The following STXBP5L variants were observed in gnomAD, a reference collection of about 807,000 sequenced individuals.
The protein encoded by STXBP5L is syntaxin-binding protein 5-like.
A neutral mutation model predicts 144.5 loss-of-function variants in STXBP5L; 65 were observed. The observed-to-expected ratio is 0.45, with a 90% CI of 0.37 to 0.55. STXBP5L has a LOEUF of 0.55. Among genes scored for constraint, STXBP5L ranks in the 20% least tolerant of loss-of-function variants. The pLI, the probability that STXBP5L is intolerant of heterozygous loss-of-function variation, is 0.00. For synonymous variants in STXBP5L, 505 were observed against 469.6 expected, an observed-to-expected ratio of 1.08 and a Z score of -0.97; for missense variants, 1,298 against 1,405.5, an observed-to-expected ratio of 0.92 and a Z score of 1.22.
intron 7 of STXBP5L, among the ~76,000 whole-genome samples, chr3:121,138,470 A>G (rs1024777791): frequency 6.6e-6 from 1 of 152,174 alleles, no homozygotes; most frequent in Non-Finnish European, 1.5e-5. Flanking sequence ...ACCAAAAAGA[A>G]CAAAGCCGAA....
intron 2 of STXBP5L, among the ~76,000 whole-genome samples, chr3:120,935,847 A>G (rs1710239796): frequency 2.0e-5 from 3 of 151,676 alleles, no homozygotes; most frequent in African/African-American, 2.4e-5. Context: ...TCCTATGCAT[A>G]TATTTTTTGG....
chr3:120,960,132 A>G (rs557535724), intron 3 of STXBP5L, among the ~76,000 whole-genome samples: 2 of 152,400 alleles, frequency 1.3e-5, no homozygotes, highest in South Asian at 4.1e-4. Flanking sequence ...GAAGACATTT[A>G]TGCAGCCCAA....
chr3:121,412,727 C>CAAAAAAAA (rs35247157), intron 23 of STXBP5L, among the ~76,000 whole-genome samples: 76 of 69,582 alleles, frequency 1.1e-3, no homozygotes, highest in East Asian at 1.4e-3. Flanking sequence ...TTTCTCCCTC[C>CAAAAAAAA]AAAAAAAAAA....
At chr3:120,930,413 T>A (rs556461785) in intron 2 of STXBP5L, among the ~76,000 whole-genome samples, 1 of 152,044 alleles carries the variant, frequency 6.6e-6, no homozygotes, top group African/African-American at 2.4e-5. Context: ...CTGTAGTAGA[T>A]TCCTCAGGAA....
At chr3:120,930,685 A>G (rs1709883578) in intron 2 of STXBP5L, among the ~76,000 whole-genome samples, 1 of 152,152 alleles carries the variant, frequency 6.6e-6, no homozygotes, top group African/African-American at 2.4e-5. Context: ...CTCCAAAATG[A>G]TGTTTCCCCC....
intron 10 of STXBP5L, among the ~76,000 whole-genome samples, chr3:121,209,323 T>C (rs2048463395): frequency 6.6e-6 from 1 of 152,154 alleles, no homozygotes; most frequent in Admixed American, 6.6e-5. Flanking sequence ...TATTTCTGGT[T>C]CTAGATCCTT....
At chr3:120,928,944 C>T in intron 2 of STXBP5L, among the ~76,000 whole-genome samples, 1 of 152,034 alleles carries the variant, frequency 6.6e-6, no homozygotes, top group East Asian at 1.9e-4. Flanking sequence ...TGGCAAAACC[C>T]ACCATCGTTT....
chr3:121,208,730 T>G (rs1314841535), intron 10 of STXBP5L, among the ~76,000 whole-genome samples: 1 of 152,178 alleles, frequency 6.6e-6, no homozygotes, highest in Non-Finnish European at 1.5e-5. Context: ...TAACTGTTCC[T>G]AGCAGCTTGT....
chr3:121,100,942 TC>T (rs1280382523), intron 5 of STXBP5L, among the ~76,000 whole-genome samples: 1 of 151,724 alleles, frequency 6.6e-6, no homozygotes, highest in Non-Finnish European at 1.5e-5. Context: ...ACATAAAATA[TC>T]CTCCAAGACT....
At chr3:121,161,762 T>C (rs922485806) in intron 9 of STXBP5L, among the ~76,000 whole-genome samples, 1 of 152,104 alleles carries the variant, frequency 6.6e-6, no homozygotes, top group African/African-American at 2.4e-5. Flanking sequence ...CATACACACA[T>C]ACATATACAA....
intron 19 of STXBP5L, among the ~76,000 whole-genome samples, chr3:121,304,316 C>A (rs956109263): frequency 6.6e-5 from 10 of 152,036 alleles, no homozygotes; most frequent in African/African-American, 2.2e-4. Flanking sequence ...TTGTAACTGA[C>A]AGAACAAATA....
chr3:121,386,080 A>C (rs1236004144), intron 22 of STXBP5L, among the ~76,000 whole-genome samples: 1 of 152,156 alleles, frequency 6.6e-6, no homozygotes, highest in Non-Finnish European at 1.5e-5. Flanking sequence ...CACACATTTT[A>C]TCTCTTCTAA....
At chr3:121,301,886 G>T (rs912070469) in intron 19 of STXBP5L, among the ~76,000 whole-genome samples, 1 of 152,164 alleles carries the variant, frequency 6.6e-6, no homozygotes. Context: ...TTGCATCCCA[G>T]GGATGAAGCC....
intron 2 of STXBP5L, among the ~76,000 whole-genome samples, chr3:120,930,197 T>C (rs993972221): frequency 1.3e-5 from 2 of 151,510 alleles, no homozygotes; most frequent in African/African-American, 4.8e-5. Flanking sequence ...AATAAACTTA[T>C]TTTATTTAAG....
chr3:121,414,093 T>C (rs2108752401), intron 24 of STXBP5L, among the ~76,000 whole-genome samples: 1 of 152,262 alleles, frequency 6.6e-6, no homozygotes, highest in Admixed American at 6.5e-5. Context: ...ATAGTATGTT[T>C]TTTTAAATAA....
intron 3 of STXBP5L, among the ~76,000 whole-genome samples, chr3:120,977,895 A>G (rs1941268618): frequency 6.6e-6 from 1 of 152,116 alleles, no homozygotes; most frequent in Non-Finnish European, 1.5e-5. Context: ...TGGCTTGCAG[A>G]TTTTCTGCCA....
intron 9 of STXBP5L, among the ~76,000 whole-genome samples, chr3:121,188,707 C>A (rs1214343785): frequency 6.6e-6 from 1 of 152,168 alleles, no homozygotes; most frequent in Admixed American, 6.5e-5. Flanking sequence ...ATGACAAAAA[C>A]CACATGATTA....
chr3:121,224,496 A>G (rs1308497614), intron 11 of STXBP5L, among the ~76,000 whole-genome samples: 1 of 152,176 alleles, frequency 6.6e-6, no homozygotes, highest in East Asian at 1.9e-4. Flanking sequence ...AAAGTATTAA[A>G]CTAATCTCTG....
chr3:121,051,307 C>G (rs1223697389), intron 5 of STXBP5L, among the ~76,000 whole-genome samples: 4 of 152,218 alleles, frequency 2.6e-5, no homozygotes, highest in African/African-American at 9.6e-5. Flanking sequence ...CACACCACAC[C>G]TATTCCAAAA....
Sources: allele counts gnomAD v4.1 joint callset (sites outside exome capture counted in the v4.1 genomes callset), GRCh38; gene constraint gnomAD v4.1.1; transcripts MANE v1.5; gene names NCBI Gene and HGNC (gene_info 2026-07-23, HGNC 2026-07-21).